The following CPEB3 variants were observed in gnomAD, a reference collection of about 807,000 sequenced individuals.
CPEB3 encodes cytoplasmic polyadenylation element binding protein 3.
A neutral mutation model predicts 67.2 loss-of-function variants in CPEB3; 20 were observed. That is an observed-to-expected ratio of 0.30 (90% confidence interval 0.21 to 0.43). The LOEUF is 0.43. Among genes scored for constraint, CPEB3 ranks in the 20% least tolerant of loss-of-function variants. CPEB3 has a pLI of 1.00. For missense variants in CPEB3, 746 were observed against 968.6 expected, an observed-to-expected ratio of 0.77 and a Z score of 3.05; for synonymous variants, 376 against 393.1, an observed-to-expected ratio of 0.96 and a Z score of 0.51.
intron 9 of CPEB3, among the ~76,000 whole-genome samples, chr10:92,068,522 T>TTC (rs937495139): frequency 6.6e-6 from 1 of 152,172 alleles, no homozygotes; most frequent in Admixed American, 6.5e-5. Context: ...AACACCTGAC[T>TTC]TCTAGAGTTG....
chr10:92,069,157 TTC>T (rs147459507), intron 9 of CPEB3, among the ~76,000 whole-genome samples: 2,768 of 152,310 alleles, frequency 0.018, 38 homozygotes, highest in Non-Finnish European at 0.03. Flanking sequence ...TTATCAGCAT[TTC>T]TGTTAGTATG....
At chr10:92,139,172 G>A (rs1846262430) in intron 6 of CPEB3, among the ~76,000 whole-genome samples, 2 of 151,976 alleles carry the variant, frequency 1.3e-5, no homozygotes, top group African/African-American at 4.8e-5. Flanking sequence ...AGCTACTCGG[G>A]AGGCTGAGGC....
chr10:92,180,826 G>T, intron 4 of CPEB3, 137 bp downstream of exon 4: 1 of 602,742 alleles, frequency 1.7e-6, no homozygotes, highest in Non-Finnish European at 3.0e-6. Flanking sequence ...ACCACACTTT[G>T]AGAACCACTA....
At chr10:92,203,508 GTATA>G (rs762019168) in intron 2 of CPEB3, among the ~76,000 whole-genome samples, 14 of 116,564 alleles carry the variant, frequency 1.2e-4, no homozygotes, top group African/African-American at 3.0e-4. Context: ...ATATGTGTGT[GTATA>G]TATATATATA....
chr10:92,280,063 C>T (rs1031612724), intron 1 of CPEB3, among the ~76,000 whole-genome samples: 3 of 151,126 alleles, frequency 2.0e-5, no homozygotes, highest in African/African-American at 7.3e-5. Context: ...GAGAGAGAGG[C>T]CAGGCGTGGT....
intron 1 of CPEB3, among the ~76,000 whole-genome samples, chr10:92,281,051 C>T (rs1423368895): frequency 1.3e-5 from 2 of 151,924 alleles, no homozygotes; most frequent in East Asian, 2.0e-4. Context: ...TGAACCACCA[C>T]GCCCGGCGAT....
chr10:92,072,799 G>A (rs556037498), intron 9 of CPEB3, among the ~76,000 whole-genome samples: 4 of 152,272 alleles, frequency 2.6e-5, no homozygotes, highest in African/African-American at 7.2e-5. Context: ...CTCTATTAGA[G>A]TTCTAGGGAG....
chr10:92,279,583 CACT>C (rs1338555131), intron 1 of CPEB3, among the ~76,000 whole-genome samples: 1 of 151,972 alleles, frequency 6.6e-6, no homozygotes, highest in East Asian at 1.9e-4. Context: ...GAGCAGGGGC[CACT>C]ACTAATTTCT....
intron 1 of CPEB3, among the ~76,000 whole-genome samples, chr10:92,248,401 TAAG>T: frequency 6.6e-6 from 1 of 152,216 alleles, no homozygotes; most frequent in Non-Finnish European, 1.5e-5. Context: ...AACCCACAGA[TAAG>T]AAAGGACAAC....
intron 4 of CPEB3, among the ~76,000 whole-genome samples, chr10:92,159,750 G>A (rs574682375): frequency 2.0e-5 from 3 of 151,996 alleles, no homozygotes; most frequent in Non-Finnish European, 4.4e-5. Flanking sequence ...CTTTTCAGCC[G>A]GATAGTTGAA....
chr10:92,204,836 CTTTTTTTTTTT>C (rs750482213), intron 2 of CPEB3, among the ~76,000 whole-genome samples: 1 of 125,060 alleles, frequency 8.0e-6, no homozygotes, highest in Non-Finnish European at 1.7e-5. Flanking sequence ...ATCTTAACCA[CTTTTTTTTTTT>C]TTTTTTTTTT....
chr10:92,273,467 T>C (rs1853388963), intron 1 of CPEB3, among the ~76,000 whole-genome samples: 1 of 152,120 alleles, frequency 6.6e-6, no homozygotes, highest in South Asian at 2.1e-4. Flanking sequence ...CAAAATTAGA[T>C]ATAATACCCT....
At chr10:92,131,358 G>A (rs924130003) in intron 6 of CPEB3, among the ~76,000 whole-genome samples, 3 of 152,116 alleles carry the variant, frequency 2.0e-5, no homozygotes, top group South Asian at 2.1e-4. Context: ...GCTAAACTCC[G>A]TACTGCTCTG....
At chr10:92,149,682 TA>T (rs1355277351) in intron 4 of CPEB3, among the ~76,000 whole-genome samples, 1 of 152,176 alleles carries the variant, frequency 6.6e-6, no homozygotes, top group Non-Finnish European at 1.5e-5. Context: ...AGCAATAAAA[TA>T]AAGTTGGCCT....
chr10:92,130,441 TC>T (rs1215985404), intron 6 of CPEB3, among the ~76,000 whole-genome samples: 1 of 152,120 alleles, frequency 6.6e-6, no homozygotes, highest in African/African-American at 2.4e-5. Flanking sequence ...TTCCATGGTC[TC>T]AGTGGTGTTC....
At chr10:92,213,021 G>A (rs1850171894) in intron 2 of CPEB3, among the ~76,000 whole-genome samples, 1 of 152,188 alleles carries the variant, frequency 6.6e-6, no homozygotes, top group African/African-American at 2.4e-5. Flanking sequence ...GGACAGCACT[G>A]CTATAGACAG....
chr10:92,253,795 G>GA (rs1397182467), intron 1 of CPEB3, among the ~76,000 whole-genome samples: 1 of 152,042 alleles, frequency 6.6e-6, no homozygotes, highest in East Asian at 1.9e-4. Context: ...AAGGTAAAGA[G>GA]AAAAAAATAG....
intron 6 of CPEB3, among the ~76,000 whole-genome samples, chr10:92,121,924 C>T (rs1294800352): frequency 1.3e-5 from 2 of 152,180 alleles, no homozygotes; most frequent in African/African-American, 4.8e-5. Context: ...TACAGGCAGT[C>T]TGTCCCAAAC....
At chr10:92,110,124 G>T (rs560589794) in intron 7 of CPEB3, among the ~76,000 whole-genome samples, 1 of 152,270 alleles carries the variant, frequency 6.6e-6, no homozygotes, top group South Asian at 2.1e-4. Context: ...AAATACAAGA[G>T]TCAACACTCA....
Sources: allele counts gnomAD v4.1 joint callset (sites outside exome capture counted in the v4.1 genomes callset), GRCh38; gene constraint gnomAD v4.1.1; transcripts MANE v1.5; gene names NCBI Gene and HGNC (gene_info 2026-07-23, HGNC 2026-07-21).